The following ATG5 variants were observed in gnomAD, a reference collection of about 807,000 sequenced individuals.
ATG5 encodes the protein autophagy protein 5.
ATG5 carries 14 observed loss-of-function variants against 36.5 expected under a neutral mutation model. That is an observed-to-expected ratio of 0.38 (90% CI 0.25 to 0.60). ATG5 has a LOEUF of 0.60. Among genes scored for constraint, ATG5 ranks in the 20% least tolerant of loss-of-function variants. The probability of loss-of-function intolerance (pLI) is 0.60; values close to 1 mark genes in which losing one functional copy is unlikely to be tolerated. For missense variants in ATG5, 195 were observed against 326.7 expected (o/e 0.60, Z 3.11); for synonymous variants, 95 against 101.5 (o/e 0.94, Z 0.38).
intron 6 of ATG5, among the ~76,000 whole-genome samples, chr6:106,212,617 C>T (rs1337663832): frequency 6.6e-6 from 1 of 152,124 alleles, no homozygotes; most frequent in Non-Finnish European, 1.5e-5. Flanking sequence ...CCAGCCTGGG[C>T]GAGAGCCCAG....
chr6:106,251,121 A>G (rs535723721), intron 5 of ATG5, among the ~76,000 whole-genome samples: 4 of 152,168 alleles, frequency 2.6e-5, no homozygotes, highest in Admixed American at 6.5e-5. Context: ...CAACATCTCA[A>G]TTTGCTTGCT....
chr6:106,322,529 T>C (rs1771124405), intron 1 of ATG5, among the ~76,000 whole-genome samples: 1 of 152,180 alleles, frequency 6.6e-6, no homozygotes, highest in East Asian at 1.9e-4. Flanking sequence ...CTCCCTCAAA[T>C]GTTCACTTCT....
intron 5 of ATG5, among the ~76,000 whole-genome samples, chr6:106,265,756 T>C (rs748415668): frequency 3.3e-5 from 5 of 152,082 alleles, no homozygotes; most frequent in Non-Finnish European, 7.4e-5. Context: ...ACTTGGTAAA[T>C]AACGAAATTA....
intron 5 of ATG5, among the ~76,000 whole-genome samples, chr6:106,279,219 G>A (rs564772856): frequency 6.6e-6 from 1 of 152,312 alleles, no homozygotes; most frequent in East Asian, 1.9e-4. Context: ...CTAAACCACA[G>A]CAAGGAGAAA....
intron 6 of ATG5, among the ~76,000 whole-genome samples, chr6:106,230,319 T>A (rs986449055): frequency 6.6e-6 from 1 of 152,218 alleles, no homozygotes; most frequent in Non-Finnish European, 1.5e-5. Flanking sequence ...AACTGTTGTT[T>A]ATGGGAATGC....
At chr6:106,193,650 T>C (rs965242745) in intron 7 of ATG5, among the ~76,000 whole-genome samples, 1 of 152,178 alleles carries the variant, frequency 6.6e-6, no homozygotes, top group African/African-American at 2.4e-5. Context: ...AATAAATACA[T>C]AAATAAACTT....
intron 7 of ATG5, among the ~76,000 whole-genome samples, chr6:106,201,273 A>ATG (rs1436145806): frequency 3.3e-5 from 3 of 91,726 alleles, no homozygotes; most frequent in Admixed American, 1.2e-4. Context: ...ATTCAAGTGT[A>ATG]TATGTGTGTG....
At chr6:106,242,937 AT>A (rs2114498506) in intron 6 of ATG5, among the ~76,000 whole-genome samples, 1 of 152,272 alleles carries the variant, frequency 6.6e-6, no homozygotes, top group East Asian at 1.9e-4. Context: ...CCTAACAAAC[AT>A]GGCCATAATT....
chr6:106,206,063 A>G (rs534192604), intron 6 of ATG5, among the ~76,000 whole-genome samples: 10 of 152,348 alleles, frequency 6.6e-5, no homozygotes, highest in African/African-American at 2.2e-4. Context: ...TTGGGGAGTT[A>G]GTTACTTCTA....
At chr6:106,232,520 C>T (rs75547801) in intron 6 of ATG5, among the ~76,000 whole-genome samples, 6 of 152,132 alleles carry the variant, frequency 3.9e-5, no homozygotes, top group Admixed American at 2.0e-4. Context: ...ACAATATGGA[C>T]GAGCAAAGAA....
At chr6:106,308,015 T>A (rs1770513096) in intron 3 of ATG5, among the ~76,000 whole-genome samples, 1 of 151,838 alleles carries the variant, frequency 6.6e-6, no homozygotes, top group East Asian at 1.9e-4. Context: ...AAAGATGTTA[T>A]AAATATTTTG....
intron 6 of ATG5, chr6:106,217,712 T>C (rs1377023145): frequency 3.9e-5 from 6 of 152,244 alleles, no homozygotes; most frequent in African/African-American, 1.4e-4. Flanking sequence ...TCAGAGTTTA[T>C]AGTTCTATTT....
intron 5 of ATG5, among the ~76,000 whole-genome samples, chr6:106,271,968 T>C (rs1779471160): frequency 6.6e-6 from 1 of 152,244 alleles, no homozygotes; most frequent in African/African-American, 2.4e-5. Flanking sequence ...CAGATAAATA[T>C]GCATGATCTC....
intron 4 of ATG5, among the ~76,000 whole-genome samples, chr6:106,289,190 T>G (rs1780206033): frequency 6.6e-6 from 1 of 152,184 alleles, no homozygotes; most frequent in East Asian, 1.9e-4. Context: ...CTACAAACTT[T>G]AAAAACCACT....
chr6:106,228,373 GGGCTAAAGACTTGCCATTGTTCCTACGC>G (rs1006292068), intron 6 of ATG5, among the ~76,000 whole-genome samples: 2 of 152,126 alleles, frequency 1.3e-5, no homozygotes, highest in African/African-American at 4.8e-5. Flanking sequence ...GATCCCGACT[GGGCTAAAGACTTGCCATTGTTCCTACGC>G]GGCTAAGTGC....
intron 6 of ATG5, chr6:106,217,445 C>T (rs928090921): frequency 1.3e-5 from 2 of 152,140 alleles, no homozygotes; most frequent in Non-Finnish European, 2.9e-5. Context: ...AATGTCCTTA[C>T]TAACAAATTG....
In ATG5 at chr6:106,248,224, C is replaced by T. The variant is rs376999465; in HGVS notation, c.499G>A (p.Ala167Thr). The T allele has an allele frequency of 4.3e-6, 7 of 1,611,540 alleles. No individual in the cohort carries two copies. Among genetic ancestry groups the T allele is most frequent in the Non-Finnish European group, 5.9e-6 (7 of 1,177,946 alleles). ...LQNDRFDQFWAINRKLMEYPA... is the reference protein window; with the variant it reads ...LQNDRFDQFWTINRKLMEYPA... ...TATTCCATGAGTTTCCGATTGATGGCCCAAAACTGGTCAAATCTGTCTGTA... is the reference window on the plus strand; with the variant it reads ...TATTCCATGAGTTTCCGATTGATGGTCCAAAACTGGTCAAATCTGTCTGTA... The change falls in exon 6 of 8, where the codon GCC (alanine) becomes ACC (threonine). Residue 167 changes from alanine to threonine, a missense_variant. Ala to Thr is a moderately conservative substitution (Grantham distance 58, BLOSUM62 0). Coordinates refer to ENST00000369076, the MANE Select transcript of ATG5 (RefSeq NM_004849.4).
At chr6:106,205,694 T>C (rs73776559) in intron 6 of ATG5, among the ~76,000 whole-genome samples, 3,748 of 152,274 alleles carry the variant, frequency 0.025, 64 homozygotes, top group African/African-American at 0.049. Flanking sequence ...ATCTTTTTTT[T>C]CACCCTTTCC....
At chr6:106,235,565 A>G (rs1582589650) in intron 6 of ATG5, among the ~76,000 whole-genome samples, 1 of 152,304 alleles carries the variant, frequency 6.6e-6, no homozygotes, top group African/African-American at 2.4e-5. Context: ...ATCCACCTTT[A>G]AACACTGGGC....
Sources: gnomAD v4.1 joint callset for allele counts (sites outside exome capture counted in the v4.1 genomes callset) on GRCh38, gnomAD v4.1.1 for gene constraint, MANE v1.5 for transcripts, NCBI Gene and HGNC (gene_info 2026-07-23, HGNC 2026-07-21) for gene names.